The following SUPT16H variants were observed in gnomAD, a reference collection of about 807,000 sequenced individuals.
SUPT16H encodes the protein FACT complex subunit SPT16.
SUPT16H carries 24 observed loss-of-function variants against 136.2 expected under a neutral mutation model. The ratio of observed to expected loss-of-function variants is 0.18; its 90% CI spans 0.13 to 0.25. The LOEUF is 0.25. Ranked by LOEUF, SUPT16H falls within the 10% of genes least tolerant of loss-of-function variation. The probability of loss-of-function intolerance (pLI) is 1.00; values close to 1 mark genes in which losing one functional copy is unlikely to be tolerated. For synonymous variants in SUPT16H, 415 were observed against 428.2 expected, an observed-to-expected ratio of 0.97 and a Z score of 0.38; for missense variants, 623 against 1,270.2, an observed-to-expected ratio of 0.49 and a Z score of 7.74.
chr14:21,362,177 G>T lies in SUPT16H; in HGVS notation c.1793+20C>A. 1.2e-6 allele frequency: 2 copies of T among 1,609,670 alleles called. No homozygotes were observed. The highest frequency in any genetic ancestry group is 2.2e-5 in the South Asian group (2 of 90,586). On this transcript the variant is annotated intron_variant, in intron 15 of 25. Coordinates refer to ENST00000216297, the MANE Select transcript of SUPT16H (RefSeq NM_007192.4). Reference sequence around the variant, plus strand: ...CTCCAGACAAGATGAATCTGGGTATGACTTTTCTTGGGGACTCACATTTCC... The same window carrying T: ...CTCCAGACAAGATGAATCTGGGTATTACTTTTCTTGGGGACTCACATTTCC...
rs371976172 is a variant in SUPT16H, at chr14:21,367,101, C to T, written c.956-572G>A. Reference sequence around the variant, plus strand: ...GACTACAGGTGCCTGCCACCACGCCCGGCTAATTTTTTTGTATTTTTAGTA... The same window carrying T: ...GACTACAGGTGCCTGCCACCACGCCTGGCTAATTTTTTTGTATTTTTAGTA... On this transcript the variant is annotated intron_variant, in intron 7 of 25. Coordinates refer to ENST00000216297, the MANE Select transcript of SUPT16H (RefSeq NM_007192.4). Among the ~76,000 whole-genome samples the T allele has an allele frequency of 1.1e-4, 17 of 152,210 alleles. No individual in the cohort carries two copies. In the East Asian group the frequency reaches 2.1e-3, roughly 19 times the overall value.
chr14:21,377,076 GA>G (rs11323425), intron 1 of SUPT16H, among the ~76,000 whole-genome samples: 73,433 of 112,310 alleles, frequency 0.65, 21,392 homozygotes, highest in South Asian at 0.75. Context: ...GAAAGAAAAA[GA>G]AAAAAAAAAA....
intron 7 of SUPT16H, among the ~76,000 whole-genome samples, chr14:21,367,419 C>A (rs1886695524): frequency 6.6e-6 from 1 of 152,112 alleles, no homozygotes; most frequent in Non-Finnish European, 1.5e-5. Context: ...AGGGCTGTGG[C>A]CTTAATTTTT....
At chr14:21,358,477 C>T (rs1313848127) in intron 19 of SUPT16H, 50 bp from the exon 20 acceptor site, 5 of 1,329,978 alleles carry the variant, frequency 3.8e-6, no homozygotes, top group Admixed American at 3.9e-5. Flanking sequence ...GTTAACAGTA[C>T]CTCCCCTCAA....
At chr14:21,353,639 A>C in intron 24 of SUPT16H, 64 bp downstream of exon 24, 1 of 1,603,414 alleles carries the variant, frequency 6.2e-7, no homozygotes, top group Non-Finnish European at 8.5e-7. Context: ...AGTCTAAAAA[A>C]AGTAGTTTTC....
At chr14:21,364,436 A>T (rs1387511682) in intron 10 of SUPT16H, among the ~76,000 whole-genome samples, 1 of 152,238 alleles carries the variant, frequency 6.6e-6, no homozygotes, top group Non-Finnish European at 1.5e-5. Context: ...AATATTTTCA[A>T]ATTAGATTGT....
At chr14:21,358,242 A>G in intron 20 of SUPT16H, 73 bp downstream of exon 20, 1 of 960,758 alleles carries the variant, frequency 1.0e-6, no homozygotes, top group Non-Finnish European at 1.6e-6. Flanking sequence ...TTAAATTATT[A>G]TTAAAGGAAG....
At chr14:21,371,736 C>T (rs1037259418) in intron 3 of SUPT16H, 138 bp downstream of exon 3, 48 of 943,854 alleles carry the variant, frequency 5.1e-5, no homozygotes, top group African/African-American at 8.3e-5. Flanking sequence ...ACAATGAAGA[C>T]GTGACAGAAC....
At chr14:21,363,855 T>C (rs1886609940) in intron 10 of SUPT16H, among the ~76,000 whole-genome samples, 1 of 152,086 alleles carries the variant, frequency 6.6e-6, no homozygotes, top group Non-Finnish European at 1.5e-5. Context: ...ATTTTTGTAT[T>C]TTTAGTAGGG....
intron 15 of SUPT16H, 68 bp downstream of exon 15, chr14:21,362,129 A>G (rs371539836): frequency 6.5e-7 from 1 of 1,540,540 alleles, no homozygotes; most frequent in Non-Finnish European, 8.7e-7. Flanking sequence ...AGCACAGACA[A>G]TGAAATGTTT....
chr14:21,382,840 G>A (rs1169006733), intron 1 of SUPT16H: 1 of 152,256 alleles, frequency 6.6e-6, no homozygotes, highest in African/African-American at 2.4e-5. Context: ...AGCCCCAAAA[G>A]ATGAAACATG....
At chr14:21,356,330 A>C (rs755793231) in intron 22 of SUPT16H, among the ~76,000 whole-genome samples, 26 of 152,182 alleles carry the variant, frequency 1.7e-4, no homozygotes, top group Non-Finnish European at 3.7e-4. Context: ...AACTAGAAAT[A>C]AATCGTGTTC....
rs888059860 is a variant in SUPT16H, at chr14:21,357,069, G to A, written c.2660+128C>T. The A allele has an allele frequency of 3.1e-6, 3 of 963,874 alleles. No individual in the cohort carries two copies. The African/African-American group carries it at 5.1e-5, about 16-fold the overall frequency. 59.7% of individuals were successfully genotyped at this position (963,874 alleles called of 1,614,324 possible). A position where few individuals can be genotyped will look rare whatever the true frequency, so the allele number is the denominator to read the frequency against. On this transcript the variant is annotated intron_variant, in intron 22 of 25. Coordinates refer to ENST00000216297, the MANE Select transcript of SUPT16H (RefSeq NM_007192.4). ...ATAGATCTCAAGTTTTCAAGTCCTGGTCTGTAACAACCAAAAGGCAGTCTC... is the reference window on the plus strand; with the variant it reads ...ATAGATCTCAAGTTTTCAAGTCCTGATCTGTAACAACCAAAAGGCAGTCTC...
At chr14:21,369,450 A>C in intron 5 of SUPT16H, 95 bp from the exon 6 acceptor site, 5 of 1,504,790 alleles carry the variant, frequency 3.3e-6, no homozygotes, top group Non-Finnish European at 4.5e-6. Flanking sequence ...GTATCCTTGT[A>C]TAAGTCTTAG....
chr14:21,360,757 G>A (rs565047956), intron 17 of SUPT16H, 89 bp downstream of exon 17: 2 of 1,531,174 alleles, frequency 1.3e-6, no homozygotes, highest in Non-Finnish European at 1.8e-6. Flanking sequence ...CCGGCGGATG[G>A]CTCTTTGTCA....
chr14:21,357,182 G>A lies in SUPT16H; in HGVS notation c.2660+15C>T. The A allele has an allele frequency of 1.3e-6, 2 of 1,553,710 alleles. No individual in the cohort carries two copies. Among genetic ancestry groups the A allele is most frequent in the East Asian group, 2.3e-5 (1 of 42,984 alleles). On this transcript the variant is annotated intron_variant, in intron 22 of 25. Transcript: ENST00000216297. The stretch of plus-strand genomic sequence containing the variant: ...CTCATGGGCTAAATGGGAGACTGAT[G>A]GCAGATTTACTTACTTCAACCATTC...
At chr14:21,376,479 A>C (rs1886904226) in intron 1 of SUPT16H, among the ~76,000 whole-genome samples, 1 of 152,168 alleles carries the variant, frequency 6.6e-6, no homozygotes. Context: ...GTTCTGTTGT[A>C]TTTCTCTACC....
chr14:21,374,529 T>G (rs1054944156), intron 1 of SUPT16H, among the ~76,000 whole-genome samples: 1 of 152,218 alleles, frequency 6.6e-6, no homozygotes, highest in African/African-American at 2.4e-5. Flanking sequence ...GACAAACCAC[T>G]AACCTGTCTC....
chr14:21,362,498 A>T (rs539591821), intron 14 of SUPT16H, among the ~76,000 whole-genome samples, 174 bp from the exon 15 acceptor site: 2 of 152,370 alleles, frequency 1.3e-5, no homozygotes, highest in South Asian at 4.1e-4. Flanking sequence ...TTCCCAAAAA[A>T]ATCTCTGAAT....
Sources: gnomAD v4.1 joint callset for allele counts (sites outside exome capture counted in the v4.1 genomes callset) on GRCh38, gnomAD v4.1.1 for gene constraint, MANE v1.5 for transcripts, NCBI Gene and HGNC (gene_info 2026-07-23, HGNC 2026-07-21) for gene names.